TSHZ2: variants seen among roughly 807,000 people sequenced by gnomAD.
The protein encoded by TSHZ2 is teashirt zinc finger homeobox 2, also known as teashirt homolog 2.
Under a neutral mutation model 74.4 loss-of-function variants are expected in TSHZ2, and 21 were observed. The observed-to-expected ratio is 0.28, with a 90% CI of 0.20 to 0.41. TSHZ2 has a LOEUF of 0.41. Ranked by LOEUF, TSHZ2 falls within the 10% of genes least tolerant of loss-of-function variation. TSHZ2 has a pLI of 1.00. For missense variants in TSHZ2, 1,244 were observed against 1,293.5 expected (o/e 0.96, Z 0.59); for synonymous variants, 540 against 515.3 (o/e 1.05, Z -0.65).
chr20:53,293,458 G>GTC (rs1214549234), intron 2 of TSHZ2, among the ~76,000 whole-genome samples: 1 of 151,968 alleles, frequency 6.6e-6, no homozygotes, highest in East Asian at 1.9e-4. Flanking sequence ...GTGAGACTCT[G>GTC]TCTCCACCTC....
chr20:52,995,545 T>G (rs1982150971), intron 1 of TSHZ2, among the ~76,000 whole-genome samples: 1 of 152,050 alleles, frequency 6.6e-6, no homozygotes. Flanking sequence ...CTCTATAGGG[T>G]TGCAACCAAG....
At chr20:53,466,921 T>C (rs1044912800) in intron 2 of TSHZ2, among the ~76,000 whole-genome samples, 7 of 152,378 alleles carry the variant, frequency 4.6e-5, no homozygotes, top group Non-Finnish European at 1.0e-4. Context: ...GTTAGTTTCA[T>C]TGACAGCAAT....
At chr20:53,036,832 T>C (rs948077965) in intron 1 of TSHZ2, among the ~76,000 whole-genome samples, 1 of 149,644 alleles carries the variant, frequency 6.7e-6, no homozygotes, top group Non-Finnish European at 1.5e-5. Flanking sequence ...TTATTTCACA[T>C]AAACTTTATA....
Position 53,085,242 on chromosome 20 carries a change from A to G in TSHZ2, c.40+111909A>G, listed in dbSNP as rs62206547. Among the ~76,000 whole-genome samples the G allele has an allele frequency of 5.9e-5, 9 of 152,092 alleles. No individual in the cohort carries two copies. In the South Asian group the frequency reaches 1.9e-3, roughly 32 times the overall value. ...CAGCCGGGCGTGGTGGCGGGCACCTATAATCCCAGCTACTCGGGAGGCTGA... is the reference window on the plus strand; with the variant it reads ...CAGCCGGGCGTGGTGGCGGGCACCTGTAATCCCAGCTACTCGGGAGGCTGA... On this transcript the variant is annotated intron_variant, in intron 1 of 2. Transcript: ENST00000371497.
At chr20:53,083,470 C>T (rs940440116) in intron 1 of TSHZ2, among the ~76,000 whole-genome samples, 3 of 152,120 alleles carry the variant, frequency 2.0e-5, no homozygotes, top group Non-Finnish European at 4.4e-5. Context: ...CTTTTTTCGC[C>T]ATATCTACTT....
intron 1 of TSHZ2, among the ~76,000 whole-genome samples, chr20:53,197,590 C>G (rs969966184): frequency 6.6e-6 from 1 of 152,202 alleles, no homozygotes; most frequent in Non-Finnish European, 1.5e-5. Context: ...CAGTTGCCAT[C>G]AAGCATATAA....
At chr20:53,446,792 A>T (rs1185298735) in intron 2 of TSHZ2, among the ~76,000 whole-genome samples, 1 of 152,088 alleles carries the variant, frequency 6.6e-6, no homozygotes, top group Non-Finnish European at 1.5e-5. Context: ...CTGACTCTCT[A>T]GTGGGGGCAC....
chr20:53,313,171 A>G (rs6068506), intron 2 of TSHZ2, among the ~76,000 whole-genome samples: 8 of 152,382 alleles, frequency 5.2e-5, no homozygotes, highest in East Asian at 1.9e-4. Context: ...GACTTGGAAT[A>G]CATGCTGAAC....
chr20:53,364,962 C>T (rs568537727), intron 2 of TSHZ2, among the ~76,000 whole-genome samples: 13 of 152,334 alleles, frequency 8.5e-5, no homozygotes, highest in African/African-American at 2.6e-4. Context: ...CCTTGTAACG[C>T]GTGGAGGCAC....
At chr20:53,414,403 T>C (rs531288406) in intron 2 of TSHZ2, among the ~76,000 whole-genome samples, 42 of 152,294 alleles carry the variant, frequency 2.8e-4, no homozygotes, top group Non-Finnish European at 5.6e-4. Context: ...AAGGATTGCT[T>C]GAGCCCAGGA....
chr20:53,212,534 A>G (rs879428266), intron 1 of TSHZ2, among the ~76,000 whole-genome samples: 2 of 152,188 alleles, frequency 1.3e-5, no homozygotes, highest in Admixed American at 6.6e-5. Flanking sequence ...AATTACTGGG[A>G]CACATCGAGG....
At chr20:53,368,423 C>A (rs542661201) in intron 2 of TSHZ2, among the ~76,000 whole-genome samples, 1 of 152,266 alleles carries the variant, frequency 6.6e-6, no homozygotes, top group East Asian at 1.9e-4. Context: ...GATTCTCCTG[C>A]CTTCAGAGTA....
chr20:53,155,373 G>A (rs1009763164), intron 1 of TSHZ2, among the ~76,000 whole-genome samples: 1 of 151,934 alleles, frequency 6.6e-6, no homozygotes, highest in Admixed American at 6.6e-5. Flanking sequence ...TTTGGTAGAC[G>A]AACATAGGAC....
chr20:53,314,092 A>T (rs1349994333), intron 2 of TSHZ2, among the ~76,000 whole-genome samples: 2 of 152,130 alleles, frequency 1.3e-5, no homozygotes, highest in Non-Finnish European at 2.9e-5. Context: ...GTTCAAAACC[A>T]GCCCGGCCAA....
At chr20:53,023,616 T>C (rs1983323674) in intron 1 of TSHZ2, among the ~76,000 whole-genome samples, 1 of 50,458 alleles carries the variant, frequency 2.0e-5, no homozygotes, top group Non-Finnish European at 3.5e-5. Context: ...TAACTCGTTT[T>C]TTGTTTTTTT....
chr20:53,468,639 A>C (rs1985632567), intron 2 of TSHZ2, among the ~76,000 whole-genome samples: 1 of 134,402 alleles, frequency 7.4e-6, no homozygotes, highest in South Asian at 2.6e-4. Context: ...TGCAAAGTTG[A>C]TTATATAAGG....
At chr20:52,990,205 AAAAT>A (rs945780961) in intron 1 of TSHZ2, among the ~76,000 whole-genome samples, 1 of 152,166 alleles carries the variant, frequency 6.6e-6, no homozygotes, top group Non-Finnish European at 1.5e-5. Context: ...ATTTGGGAAA[AAAAT>A]AAACATTATT....
At chr20:53,227,477 C>CAT (rs1214451002) in intron 1 of TSHZ2, among the ~76,000 whole-genome samples, 1 of 151,646 alleles carries the variant, frequency 6.6e-6, no homozygotes, top group East Asian at 1.9e-4. Context: ...CACACACACA[C>CAT]ACACACACAC....
At chr20:52,996,046 G>A (rs564581736) in intron 1 of TSHZ2, among the ~76,000 whole-genome samples, 28 of 152,264 alleles carry the variant, frequency 1.8e-4, no homozygotes, top group African/African-American at 6.5e-4. Flanking sequence ...AAATGTTAAT[G>A]TGGTGTTTGT....
Sources: gnomAD v4.1 joint callset for allele counts (sites outside exome capture counted in the v4.1 genomes callset) on GRCh38, gnomAD v4.1.1 for gene constraint, MANE v1.5 for transcripts, NCBI Gene and HGNC (gene_info 2026-07-23, HGNC 2026-07-21) for gene names.